RAB30: variants seen among roughly 807,000 people sequenced by gnomAD.
RAB30 encodes the protein RAB30, member RAS oncogene family.
RAB30 carries 9 observed loss-of-function variants against 25.1 expected under a neutral mutation model. That is an observed-to-expected ratio of 0.36 (90% CI 0.22 to 0.63). The LOEUF (loss-of-function observed/expected upper bound fraction) is 0.63, where lower values mean the gene tolerates loss of function less well. Ranked by LOEUF, RAB30 falls within the 20% of genes least tolerant of loss-of-function variation. The pLI, the probability that RAB30 is intolerant of heterozygous loss-of-function variation, is 0.69. For synonymous variants in RAB30, 77 were observed against 86.4 expected (o/e 0.89, Z 0.60); for missense variants, 140 against 243.5 (o/e 0.58, Z 2.83).
intron 4 of RAB30, among the ~76,000 whole-genome samples, chr11:82,982,832 A>C (rs1262296879): frequency 6.6e-6 from 1 of 152,180 alleles, no homozygotes; most frequent in East Asian, 1.9e-4. Flanking sequence ...ACTGCACTCT[A>C]GCTTGGGTGA....
intron 1 of RAB30, among the ~76,000 whole-genome samples, chr11:83,029,721 C>T (rs1293939331): frequency 1.3e-5 from 2 of 152,088 alleles, no homozygotes; most frequent in Admixed American, 1.3e-4. Flanking sequence ...TCAAAAATTT[C>T]TTTTTACACA....
Position 82,974,524 on chromosome 11 carries a change from T to G in RAB30, c.*7641A>C, listed in dbSNP as rs1284625557. The G allele has an allele frequency of 3.9e-5, 6 of 152,208 alleles. No individual in the cohort carries two copies. The highest frequency in any genetic ancestry group is 2.1e-4 in the South Asian group (1 of 4,838). The allele number at this position is 152,208 out of a possible 1,614,324, so 9.4% of individuals were successfully genotyped here. A position where few individuals can be genotyped will look rare whatever the true frequency, so the allele number is the denominator to read the frequency against. ...ATTAACATTTAAAATCAAGTACTAT[T>G]CTTATATTGAAGTTGGTTAGATTTT... On this transcript the variant is annotated 3_prime_UTR_variant, in exon 5 of 5. Coordinates refer to ENST00000527633, the MANE Select transcript of RAB30 (RefSeq NM_001286060.2).
chr11:83,014,762 GAGAAAGAAAGAGAA>G (rs993648517), intron 1 of RAB30, among the ~76,000 whole-genome samples: 4 of 149,700 alleles, frequency 2.7e-5, no homozygotes, highest in African/African-American at 7.4e-5. Context: ...ATGAAAGAGA[GAGAAAGAAAGAGAA>G]AGAAAGAAAG....
intron 1 of RAB30, among the ~76,000 whole-genome samples, chr11:83,053,283 A>G (rs1048938127): frequency 7.9e-5 from 12 of 152,192 alleles, no homozygotes; most frequent in African/African-American, 2.4e-4. Context: ...AAGCCAGGAT[A>G]AGAACACCTA....
chr11:83,055,985 A>T (rs1026972819), intron 1 of RAB30, among the ~76,000 whole-genome samples: 5 of 152,260 alleles, frequency 3.3e-5, no homozygotes, highest in Non-Finnish European at 5.9e-5. Flanking sequence ...TTGCTATAGT[A>T]GCACAAATGG....
chr11:83,021,190 C>T (rs1226035540), intron 1 of RAB30, among the ~76,000 whole-genome samples: 1 of 152,220 alleles, frequency 6.6e-6, no homozygotes, highest in East Asian at 1.9e-4. Flanking sequence ...TGTCTGTGTA[C>T]CTCATTCTTC....
chr11:83,043,865 C>T lies in RAB30; in HGVS notation c.-9+27826G>A, dbSNP rs573648871. On this transcript the variant is annotated intron_variant, in intron 1 of 4. Transcript: ENST00000527633. ...ACAGATCCTTTCCATCTCCCACCCC[C>T]TGACCCTTTTTACTGGAGGAAACAC... Among the ~76,000 whole-genome samples, 4 of 152,322 alleles carry T rather than the reference C, an allele frequency of 2.6e-5. No homozygotes were observed. The East Asian group carries it at 7.7e-4, about 29-fold the overall frequency.
At chr11:83,023,495 C>G (rs1489085792) in intron 1 of RAB30, among the ~76,000 whole-genome samples, 2 of 152,136 alleles carry the variant, frequency 1.3e-5, no homozygotes, top group African/African-American at 2.4e-5. Context: ...TCAAACCAGT[C>G]TCCTCCTCTC....
chr11:83,043,699 T>C (rs1429006376), intron 1 of RAB30, among the ~76,000 whole-genome samples: 6 of 152,196 alleles, frequency 3.9e-5, no homozygotes, highest in South Asian at 4.1e-4. Flanking sequence ...ATGTTAGCAA[T>C]TGGTAAACCT....
At chr11:83,018,575 G>GCTGATTTGT (rs1857494393) in intron 1 of RAB30, among the ~76,000 whole-genome samples, 1 of 152,102 alleles carries the variant, frequency 6.6e-6, no homozygotes, top group African/African-American at 2.4e-5. Flanking sequence ...TGAGTTCCTT[G>GCTGATTTGT]TAGATTCTGG....
At chr11:83,022,479 A>C (rs1302767322) in intron 1 of RAB30, among the ~76,000 whole-genome samples, 1 of 152,208 alleles carries the variant, frequency 6.6e-6, no homozygotes, top group Non-Finnish European at 1.5e-5. Flanking sequence ...CTTAAAAATA[A>C]AACTGCTAGA....
At chr11:82,982,787 C>A (rs1337942081) in intron 4 of RAB30, among the ~76,000 whole-genome samples, 1 of 152,016 alleles carries the variant, frequency 6.6e-6, no homozygotes, top group Non-Finnish European at 1.5e-5. Flanking sequence ...GCTTGAACCC[C>A]AGAGGCAGAG....
chr11:83,025,758 T>C (rs1857696265), intron 1 of RAB30, among the ~76,000 whole-genome samples: 2 of 152,226 alleles, frequency 1.3e-5, no homozygotes, highest in Non-Finnish European at 2.9e-5. Flanking sequence ...TACCTTTGCC[T>C]GGGCTTAAGG....
chr11:83,046,873 A>G (rs578164921), intron 1 of RAB30, among the ~76,000 whole-genome samples: 1 of 152,286 alleles, frequency 6.6e-6, no homozygotes, highest in South Asian at 2.1e-4. Context: ...AAAGCCTAAT[A>G]TATTTACTTT....
intron 1 of RAB30, among the ~76,000 whole-genome samples, chr11:83,018,680 G>A (rs1201718672): frequency 6.6e-6 from 1 of 152,176 alleles, no homozygotes; most frequent in East Asian, 1.9e-4. Flanking sequence ...TTGCTGTGCA[G>A]AAGCTTTTTA....
intron 1 of RAB30, among the ~76,000 whole-genome samples, chr11:83,050,449 C>A (rs899508200): frequency 6.6e-6 from 1 of 152,040 alleles, no homozygotes; most frequent in Non-Finnish European, 1.5e-5. Context: ...TACTTCATAA[C>A]AACAGGATGA....
At chr11:82,996,748 A>G (rs773659692) in intron 2 of RAB30, among the ~76,000 whole-genome samples, 1 of 152,180 alleles carries the variant, frequency 6.6e-6, no homozygotes, top group Non-Finnish European at 1.5e-5. Context: ...AAATTGGCCT[A>G]TTTGGTCCTA....
intron 1 of RAB30, among the ~76,000 whole-genome samples, chr11:83,011,210 T>C (rs565290433): frequency 1.3e-5 from 2 of 152,364 alleles, no homozygotes; most frequent in East Asian, 3.9e-4. Context: ...CCAATACAAA[T>C]GCAATCACTG....
chr11:82,975,352 T>A lies in RAB30; in HGVS notation c.*6813A>T, dbSNP rs1856526282. 6.6e-6 allele frequency: 1 copy of A among 152,210 alleles called. No individual in the cohort carries two copies. Among genetic ancestry groups the A allele is most frequent in the Non-Finnish European group, 1.5e-5 (1 of 68,010 alleles). The allele number at this position is 152,210 out of a possible 1,614,324, so 9.4% of individuals were successfully genotyped here. On this transcript the variant is annotated 3_prime_UTR_variant, in exon 5 of 5. Transcript: ENST00000527633. Reference sequence around the variant, plus strand: ...TATTGTTATTTAATCCAGGCATAAATGTGTAACCTTAAACAAAAACTGTGC... The same window carrying A: ...TATTGTTATTTAATCCAGGCATAAAAGTGTAACCTTAAACAAAAACTGTGC...
Sources: gnomAD v4.1 joint callset for allele counts (sites outside exome capture counted in the v4.1 genomes callset) on GRCh38, gnomAD v4.1.1 for gene constraint, MANE v1.5 for transcripts, NCBI Gene and HGNC (gene_info 2026-07-23, HGNC 2026-07-21) for gene names.